The following ENTREP2 variants were observed in gnomAD, a reference collection of about 807,000 sequenced individuals.
ENTREP2 encodes endosomal transmembrane epsin interactor 2, also known as protein ENTREP2.
chr15:29,144,533 AG>A, the ENTREP2 span, among the ~76,000 whole-genome samples: 2 of 152,170 alleles, frequency 1.3e-5, no homozygotes, highest in Admixed American at 6.5e-5. Flanking sequence ...GTTCGAGACC[AG>A]CCTGGGCATC....
chr15:29,614,943 G>A, the ENTREP2 span, among the ~76,000 whole-genome samples: 1 of 152,146 alleles, frequency 6.6e-6, no homozygotes, highest in Non-Finnish European at 1.5e-5. Context: ...CTGCAAGGAA[G>A]AGGATGGGAT....
At chr15:29,657,493 G>C in the ENTREP2 span, among the ~76,000 whole-genome samples, 3 of 135,946 alleles carry the variant, frequency 2.2e-5, no homozygotes, top group African/African-American at 5.4e-5. Context: ...CGGGGGGGGG[G>C]GGTGGCCAGC....
the ENTREP2 span, among the ~76,000 whole-genome samples, chr15:29,382,919 G>A: frequency 1.3e-5 from 2 of 152,178 alleles, no homozygotes; most frequent in South Asian, 2.1e-4. Flanking sequence ...CACCAAGTGC[G>A]ACAGACAAAG....
chr15:29,517,692 A>G, the ENTREP2 span, among the ~76,000 whole-genome samples: 3 of 152,258 alleles, frequency 2.0e-5, no homozygotes, highest in East Asian at 5.8e-4. Flanking sequence ...CTTTACATCC[A>G]TGAACAGCGT....
At chr15:29,454,685 G>A in the ENTREP2 span, among the ~76,000 whole-genome samples, 94,663 of 151,922 alleles carry the variant, frequency 0.62, 29,570 homozygotes, top group South Asian at 0.66. Flanking sequence ...GCCAGCAGGG[G>A]CCAGGGCCTG....
chr15:29,196,320 T>C, the ENTREP2 span: 1 of 1,232,268 alleles, frequency 8.1e-7, no homozygotes, highest in South Asian at 1.6e-5. Flanking sequence ...GCACTGAACC[T>C]ACCCCGGGAA....
the ENTREP2 span, among the ~76,000 whole-genome samples, chr15:29,281,390 T>C: frequency 1.3e-4 from 20 of 152,266 alleles, no homozygotes; most frequent in South Asian, 3.7e-3. Flanking sequence ...CTCTGGCCAA[T>C]GAGTTGCAAG....
the ENTREP2 span, among the ~76,000 whole-genome samples, chr15:29,656,991 A>G: frequency 6.6e-6 from 1 of 152,138 alleles, no homozygotes; most frequent in Non-Finnish European, 1.5e-5. Context: ...GCTGCCGGCC[A>G]GGGTGTTCGT....
chr15:29,193,697 A>C, the ENTREP2 span, among the ~76,000 whole-genome samples: 1 of 152,218 alleles, frequency 6.6e-6, no homozygotes, highest in Non-Finnish European at 1.5e-5. Context: ...GGAGAATGGA[A>C]GACGTAAAAT....
the ENTREP2 span, chr15:29,124,693 C>T: frequency 6.4e-7 from 1 of 1,550,674 alleles, no homozygotes; most frequent in Non-Finnish European, 8.7e-7. Context: ...TCACCGCTCC[C>T]AGGCACAGCC....
the ENTREP2 span, among the ~76,000 whole-genome samples, chr15:29,163,993 G>A: frequency 3.3e-5 from 5 of 152,330 alleles, no homozygotes; most frequent in South Asian, 6.2e-4. Context: ...CAAGCTAGAA[G>A]GGATTGGGGC....
At chr15:29,406,817 A>G in the ENTREP2 span, among the ~76,000 whole-genome samples, 3 of 152,056 alleles carry the variant, frequency 2.0e-5, no homozygotes, top group Non-Finnish European at 4.4e-5. Flanking sequence ...AAATGCACAC[A>G]CTCGCTCTCC....
the ENTREP2 span, among the ~76,000 whole-genome samples, chr15:29,131,612 GCCC>G: frequency 4.6e-5 from 1 of 21,708 alleles, no homozygotes; most frequent in Non-Finnish European, 1.0e-4. Context: ...ACACACCCCA[GCCC>G]GACAAGCCCC....
the ENTREP2 span, among the ~76,000 whole-genome samples, chr15:29,644,803 T>A: frequency 6.2e-4 from 74 of 119,664 alleles, no homozygotes; most frequent in African/African-American, 2.0e-3. Flanking sequence ...ACTCCAAGAC[T>A]CCATCTCCAT....
At chr15:29,307,668 T>A in the ENTREP2 span, among the ~76,000 whole-genome samples, 1 of 152,096 alleles carries the variant, frequency 6.6e-6, no homozygotes, top group Non-Finnish European at 1.5e-5. Flanking sequence ...ATCACAAGGG[T>A]AGGGTCCTGA....
chr15:29,655,385 A>G, the ENTREP2 span, among the ~76,000 whole-genome samples: 2 of 152,324 alleles, frequency 1.3e-5, no homozygotes, highest in East Asian at 3.9e-4. Context: ...ATATTGACTC[A>G]GCTCCCCACA....
chr15:29,652,991 G>A, the ENTREP2 span, among the ~76,000 whole-genome samples: 1 of 151,014 alleles, frequency 6.6e-6, no homozygotes, highest in South Asian at 2.1e-4. Flanking sequence ...GATCCCATAA[G>A]AAAGGTTCTT....
chr15:29,631,192 G>A, the ENTREP2 span, among the ~76,000 whole-genome samples: 3 of 152,104 alleles, frequency 2.0e-5, no homozygotes, highest in Non-Finnish European at 4.4e-5. Flanking sequence ...ATTGCTTGTT[G>A]AAACTTTTTG....
the ENTREP2 span, among the ~76,000 whole-genome samples, chr15:29,466,634 A>G: frequency 8.0e-6 from 1 of 125,300 alleles, no homozygotes; most frequent in Non-Finnish European, 1.7e-5. Flanking sequence ...AGGATGCTGC[A>G]GCCCCCAGGG....
Sources: gnomAD v4.1 joint callset for allele counts (sites outside exome capture counted in the v4.1 genomes callset) on GRCh38, gnomAD v4.1.1 for gene constraint, MANE v1.5 for transcripts, NCBI Gene and HGNC (gene_info 2026-07-23, HGNC 2026-07-21) for gene names.